The following RUBCN variants were observed in gnomAD, a reference collection of about 807,000 sequenced individuals.
The protein encoded by RUBCN is run domain Beclin-1-interacting and cysteine-rich domain-containing protein.
A neutral mutation model predicts 113.2 loss-of-function variants in RUBCN; 74 were observed. The observed-to-expected ratio is 0.65, with a 90% CI of 0.54 to 0.79. The LOEUF is 0.79. Among genes scored for constraint, RUBCN ranks in the 30% least tolerant of loss-of-function variants. RUBCN has a pLI of 0.00. For synonymous variants in RUBCN, 480 were observed against 490.0 expected, an observed-to-expected ratio of 0.98 and a Z score of 0.27; for missense variants, 1,109 against 1,251.7, an observed-to-expected ratio of 0.89 and a Z score of 1.72.
chr3:197,726,782 C>T (rs577680646), intron 1 of RUBCN, among the ~76,000 whole-genome samples: 120 of 151,618 alleles, frequency 7.9e-4, no homozygotes, highest in Middle Eastern at 6.8e-3. Context: ...CCTCATGATC[C>T]GCCCGCCTCA....
chr3:197,717,960 A>G lies in RUBCN; in HGVS notation c.219+17T>C, dbSNP rs559473057. 1.2e-6 allele frequency: 2 copies of G among 1,613,026 alleles called. No homozygotes were observed. Among genetic ancestry groups the G allele is most frequent in the Non-Finnish European group, 1.7e-6 (2 of 1,180,038 alleles). ...AAGCGAGTCAGCCAATCTGGCAAAA[A>G]AAGGAGTTCTGCATACCTGGTCACG... On this transcript the variant is annotated intron_variant, in intron 2 of 19. Transcript: ENST00000296343.
intron 11 of RUBCN, among the ~76,000 whole-genome samples, chr3:197,685,369 C>T (rs1174457869): frequency 6.6e-6 from 1 of 152,194 alleles, no homozygotes; most frequent in Non-Finnish European, 1.5e-5. Flanking sequence ...ACCATGAGCA[C>T]TCAGAAGGAC....
Position 197,728,985 on chromosome 3 carries a change from C to A in RUBCN, c.65+7670G>T, listed in dbSNP as rs372110807. 3.8e-3 allele frequency among the ~76,000 whole-genome samples: 577 copies of A among 151,974 alleles called. 5 individuals are homozygous for A. Among genetic ancestry groups the A allele is most frequent in the South Asian group, 0.02 (97 of 4,808 alleles). ...TAAGTACTAACAGAAAGATTCAGGC[C>A]GGGCGCGGTGGCTCACGCCTGTAAT... On this transcript the variant is annotated intron_variant, in intron 1 of 19. Coordinates refer to ENST00000296343, the MANE Select transcript of RUBCN (RefSeq NM_014687.4).
At chr3:197,716,182 C>T (rs1249026420) in intron 2 of RUBCN, among the ~76,000 whole-genome samples, 3 of 152,328 alleles carry the variant, frequency 2.0e-5, no homozygotes, top group African/African-American at 7.2e-5. Flanking sequence ...GGCTGGAGCG[C>T]GGTGGCACGG....
intron 2 of RUBCN, among the ~76,000 whole-genome samples, chr3:197,710,787 T>C (rs889177344): frequency 6.6e-6 from 1 of 151,988 alleles, no homozygotes; most frequent in East Asian, 1.9e-4. Flanking sequence ...ATGACACTTA[T>C]AATATCTTTT....
chr3:197,705,044 T>G, intron 3 of RUBCN, 48 bp downstream of exon 3: 2 of 1,435,658 alleles, frequency 1.4e-6, no homozygotes, highest in Non-Finnish European at 2.0e-6. Context: ...CCTCAAACAG[T>G]GAAGACCCAC....
In RUBCN at chr3:197,681,246, G is replaced by C; in HGVS notation, c.2313C>G (p.Tyr771Ter). ...RVLRKWDFSK[Y>*]YVSNFSKDLL... is the part of the protein sequence containing the mutation. Reference sequence around the variant, plus strand: ...GGTCCTTGGAGAAGTTGCTGACGTAGTACTTGCTGAAGTCCCACTTGCGCA... The same window carrying C: ...GGTCCTTGGAGAAGTTGCTGACGTACTACTTGCTGAAGTCCCACTTGCGCA... The change falls in exon 16 of 20, where the codon TAC becomes TAG. Residue 771 changes from tyrosine (Y) to a stop codon, truncating the protein, a stop_gained. Transcript: ENST00000296343. LOFTEE classifies it high-confidence loss of function. This position sits in a 1 kb window ranked among gnomAD's most constrained non-coding sequence, Gnocchi z 5.5. The C allele has an allele frequency of 6.2e-7, 1 of 1,614,132 alleles. No homozygotes were observed. The highest frequency in any genetic ancestry group is 8.5e-7 in the Non-Finnish European group (1 of 1,179,974).
chr3:197,729,680 C>T (rs1368571033), intron 1 of RUBCN, among the ~76,000 whole-genome samples: 1 of 152,192 alleles, frequency 6.6e-6, no homozygotes, highest in Non-Finnish European at 1.5e-5. Flanking sequence ...TGCCTAGCCT[C>T]CTGAGTAGCT....
chr3:197,681,462 A>C lies in RUBCN; in HGVS notation c.2192-95T>G. On this transcript the variant is annotated intron_variant, in intron 15 of 19. Transcript: ENST00000296343. This position sits in a 1 kb window ranked among gnomAD's most constrained non-coding sequence, Gnocchi z 5.5. Reference sequence around the variant, plus strand: ...TTTTCCCTTGAAAGGGCAGAGAGGGACAGCCAATGGCCTCCAGCAACCTCT... The same window carrying C: ...TTTTCCCTTGAAAGGGCAGAGAGGGCCAGCCAATGGCCTCCAGCAACCTCT... 2.1e-6 allele frequency: 2 copies of C among 933,738 alleles called. No individual in the cohort carries two copies. The allele number at this position is 933,738 out of a possible 1,614,324, so 57.8% of individuals were successfully genotyped here. A position where few individuals can be genotyped will look rare whatever the true frequency, so the allele number is the denominator to read the frequency against.
chr3:197,737,354 A>G (rs1560480523), upstream of RUBCN: 1 of 150,664 alleles, frequency 6.6e-6, no homozygotes, highest in Non-Finnish European at 1.5e-5. Flanking sequence ...AAGCGCTCAC[A>G]AACAAGAGCA....
intron 1 of RUBCN, among the ~76,000 whole-genome samples, chr3:197,723,950 T>C (rs1726449094): frequency 6.6e-6 from 1 of 151,670 alleles, no homozygotes; most frequent in African/African-American, 2.4e-5. Context: ...ATATAAAAAT[T>C]AGCCAGGCGT....
Position 197,736,794 on chromosome 3 carries a change from C to A in RUBCN, c.-75G>T. On this transcript the variant is annotated 5_prime_UTR_variant, in exon 1 of 20. Coordinates refer to ENST00000296343, the MANE Select transcript of RUBCN (RefSeq NM_014687.4). The stretch of plus-strand genomic sequence containing the variant: ...TCGCCCTTCAGGGCTCCCGGGGCCC[C>A]CTGGGGCCGGAGGAGGCACCTGCGG... 6.7e-7 allele frequency: 1 copy of A among 1,484,902 alleles called. No homozygotes were observed. Among genetic ancestry groups the A allele is most frequent in the Non-Finnish European group, 8.9e-7 (1 of 1,125,060 alleles). The allele number at this position is 1,484,902 out of a possible 1,614,324, so 92.0% of individuals were successfully genotyped here.
chr3:197,747,338 A>C (rs979516611), intron 1 of RUBCN, among the ~76,000 whole-genome samples: 1 of 151,784 alleles, frequency 6.6e-6, no homozygotes, highest in Non-Finnish European at 1.5e-5. Context: ...TGCACTATAG[A>C]GACTGGGGAT....
chr3:197,716,821 G>A (rs1725569219), intron 2 of RUBCN, among the ~76,000 whole-genome samples: 1 of 152,054 alleles, frequency 6.6e-6, no homozygotes, highest in African/African-American at 2.4e-5. Flanking sequence ...GGAGAGAAAG[G>A]GATGTGAAAG....
intron 1 of RUBCN, among the ~76,000 whole-genome samples, chr3:197,729,413 C>A (rs955170365): frequency 2.0e-5 from 3 of 151,892 alleles, no homozygotes; most frequent in African/African-American, 7.2e-5. Flanking sequence ...CCACCACGCC[C>A]GGCTAATTTT....
intron 1 of RUBCN, among the ~76,000 whole-genome samples, chr3:197,742,235 G>C (rs1433951891): frequency 6.6e-6 from 1 of 152,054 alleles, no homozygotes; most frequent in African/African-American, 2.4e-5. Context: ...GCTCACGCCT[G>C]TAATAGCAGC....
In RUBCN at chr3:197,700,740, G is replaced by T; in HGVS notation, c.1134C>A (p.Ser378Arg). 2.5e-6 allele frequency: 4 copies of T among 1,614,202 alleles called. No individual in the cohort carries two copies. Among genetic ancestry groups the T allele is most frequent in the Non-Finnish European group, 3.4e-6 (4 of 1,180,042 alleles). Residue 378 changes from serine (S) to arginine (R), a missense_variant, in exon 7 of 20, where the codon AGC becomes AGA. Ser to Arg is a moderately radical substitution (Grantham distance 110, BLOSUM62 -1). Around this residue, in one of 3 missense-constraint regions of RUBCN, gnomAD observed 736 missense variants for 779.6 expected, o/e 0.94. Coordinates refer to ENST00000296343, the MANE Select transcript of RUBCN (RefSeq NM_014687.4). The stretch of plus-strand genomic sequence containing the variant: ...ACCTGCGGAGGACACTGGACAGCTG[G>T]CTCTCCCCACCTCCTTCCTGGTCCC... ...SLGDQEGGGE[S>R]QLSSVLRRSS...
Position 197,675,003 on chromosome 3 carries a change from C to T in RUBCN, c.*15G>A. The T allele has an allele frequency of 6.2e-7, 1 of 1,609,434 alleles. No individual in the cohort carries two copies. The highest frequency in any genetic ancestry group is 1.1e-5 in the South Asian group (1 of 90,990). Reference sequence around the variant, plus strand: ...GGTGTGACCCGGCCCGGAGGGAGGGCTGCACGTGCTTTCTTCAGGTGGCCT... The same window carrying T: ...GGTGTGACCCGGCCCGGAGGGAGGGTTGCACGTGCTTTCTTCAGGTGGCCT... On this transcript the variant is annotated 3_prime_UTR_variant, in exon 20 of 20. Coordinates refer to ENST00000296343, the MANE Select transcript of RUBCN (RefSeq NM_014687.4). This position sits in a 1 kb window ranked among gnomAD's most constrained non-coding sequence, Gnocchi z 4.4.
In RUBCN at chr3:197,674,925, A is replaced by AG. The variant is rs1458477484; in HGVS notation, c.*92_*93insC. On this transcript the variant is annotated 3_prime_UTR_variant, in exon 20 of 20. Transcript: ENST00000296343. Reference sequence around the variant, plus strand: ...ATGATAATTAAAAAAAAAAAAAAAAAAAGAAGCCCCAGGTGGGGCGAGTCC... The same window carrying AG: ...ATGATAATTAAAAAAAAAAAAAAAAAGAAGAAGCCCCAGGTGGGGCGAGTCC... 2.4e-5 allele frequency: 27 copies of AG among 1,104,324 alleles called. No individual in the cohort carries two copies. The African/African-American group carries it at 3.7e-4, about 15-fold the overall frequency. The allele number at this position is 1,104,324 out of a possible 1,614,324, so 68.4% of individuals were successfully genotyped here. A position where few individuals can be genotyped will look rare whatever the true frequency, so the allele number is the denominator to read the frequency against.
Sources: gnomAD v4.1 joint callset for allele counts (sites outside exome capture counted in the v4.1 genomes callset) on GRCh38, gnomAD v4.1.1 for gene constraint, gnomAD v4.1.1 regional missense constraint, Gnocchi (gnomAD v3.1) non-coding constraint, MANE v1.5 for transcripts, NCBI Gene and HGNC (gene_info 2026-07-23, HGNC 2026-07-21) for gene names.